Variants in ZDHHC24 observed in about 807,000 individuals in gnomAD.
ZDHHC24 encodes zDHHC palmitoyltransferase 24.
Under a neutral mutation model 23.2 loss-of-function variants are expected in ZDHHC24, and 17 were observed. The observed-to-expected ratio is 0.73, with a 90% CI of 0.50 to 1.10. The LOEUF (loss-of-function observed/expected upper bound fraction) is 1.10. Ranked by LOEUF, ZDHHC24 falls within the 50% of genes least tolerant of loss-of-function variation. The probability of loss-of-function intolerance (pLI) is 0.00; values close to 1 mark genes in which losing one functional copy is unlikely to be tolerated. For missense variants in ZDHHC24, 366 were observed against 393.0 expected (o/e 0.93, Z 0.58); for synonymous variants, 186 against 194.5 (o/e 0.96, Z 0.36).
intron 4 of ZDHHC24, chr11:66,524,183 G>A (rs1856382355): frequency 2.5e-6 from 1 of 402,458 alleles, no homozygotes; most frequent in African/African-American, 2.1e-5. Context: ...AGGAGGTTGA[G>A]GTAGGAGAAT....
At chr11:66,529,201 G>A in intron 3 of ZDHHC24, 1 of 1,470,582 alleles carries the variant, frequency 6.8e-7, no homozygotes, top group East Asian at 2.5e-5. Context: ...TGGGGGCGGG[G>A]TGGGCCCTGG....
rs374822711 is a variant in ZDHHC24 at position 66,523,609 on chromosome 11, G to A, written c.*22-2143C>T. ...CCCCAGCAAGCAGCAGCCCCTCCAC[G>A]CCTATGTCCCTAGCCCCCACTTGGC... On this transcript the variant is annotated intron_variant, in intron 4 of 4. Coordinates refer to the ZDHHC24 transcript ENST00000526986. The A allele has an allele frequency of 1.7e-5, 27 of 1,613,516 alleles. No individual in the cohort carries two copies. The African/African-American group carries it at 1.7e-4, about 10-fold the overall frequency.
chr11:66,542,454 C>T (rs608504), intron 2 of ZDHHC24: 19,731 of 152,586 alleles, frequency 0.13, 2,395 homozygotes, highest in African/African-American at 0.32. Flanking sequence ...TACAGACGGG[C>T]GGTGAGGGCC....
intron 3 of ZDHHC24, chr11:66,527,019 G>A: frequency 6.5e-7 from 1 of 1,536,614 alleles, no homozygotes; most frequent in East Asian, 2.4e-5. Context: ...GTGGGTGACA[G>A]CAAGAGCCCT....
intron 4 of ZDHHC24, among the ~76,000 whole-genome samples, chr11:66,525,331 C>T (rs1856441870): frequency 6.6e-6 from 1 of 152,088 alleles, no homozygotes; most frequent in Admixed American, 6.6e-5. Context: ...TGCACTCCAG[C>T]CTGGGCCACA....
chr11:66,526,686 A>C lies in ZDHHC24; in HGVS notation c.*21+250T>G, dbSNP rs928545187. 2 of 1,614,082 alleles carry C rather than the reference A, an allele frequency of 1.2e-6. No individual in the cohort carries two copies. Among genetic ancestry groups the C allele is most frequent in the Non-Finnish European group, 1.7e-6 (2 of 1,180,024 alleles). On this transcript the variant is annotated intron_variant, in intron 4 of 4. Transcript: ENST00000526986. ...TCATCAAGATCCTGAAGCGTACAGC[A>C]GTGTTTGTAGAGGGAGGAAGTGAGG...
At position 66,539,361 on chromosome 11, in the gene ZDHHC24, C is replaced by G; in HGVS notation, c.*168G>C. 1 of 1,346,500 alleles carries G rather than the reference C, an allele frequency of 7.4e-7. No individual in the cohort carries two copies. The highest frequency in any genetic ancestry group is 2.0e-5 in the South Asian group (1 of 49,380). 83.4% of individuals were successfully genotyped at this position (1,346,500 alleles called of 1,614,324 possible). A position where few individuals can be genotyped will look rare whatever the true frequency, so the allele number is the denominator to read the frequency against. On this transcript the variant is annotated 3_prime_UTR_variant, in exon 3 of 3. Transcript: ENST00000310442. ...CTGCACTCCTCTGCCTAAGTCACGG[C>G]CCAAGCCCTGGACACGTAGGAGTGT...
intron 4 of ZDHHC24, chr11:66,524,006 ACAGTGGCT>A: frequency 7.2e-7 from 1 of 1,386,080 alleles, no homozygotes; most frequent in Non-Finnish European, 1.0e-6. Context: ...GAGGCCAGGC[ACAGTGGCT>A]CATGCCTGTA....
chr11:66,523,085 C>G, intron 4 of ZDHHC24: 1 of 462,658 alleles, frequency 2.2e-6, no homozygotes, highest in South Asian at 1.6e-5. Context: ...AGCTCTTCAT[C>G]CTTTTCTCAT....
At chr11:66,524,279 T>TA (rs542214160) in intron 4 of ZDHHC24, 32,751 of 279,772 alleles carry the variant, frequency 0.12, 923 homozygotes, top group Non-Finnish European at 0.15. Context: ...GACTCCATCT[T>TA]AAAAAAAAAA....
At chr11:66,544,014 A>G in intron 1 of ZDHHC24, 33 bp from the exon 2 acceptor site, 1 of 1,606,206 alleles carries the variant, frequency 6.2e-7, no homozygotes, top group Non-Finnish European at 8.5e-7. Flanking sequence ...CAGTTCCCCC[A>G]GCAGCTCAGA....
At chr11:66,531,390 G>A (rs1455695154), downstream of ZDHHC24, among the ~76,000 whole-genome samples, 1 of 152,184 alleles carries the variant, frequency 6.6e-6, no homozygotes, top group Admixed American at 6.5e-5. Context: ...CCCAAGTTGG[G>A]AGGACCAGAA....
At chr11:66,531,973 A>G, downstream of ZDHHC24, 23 of 1,603,660 alleles carry the variant, frequency 1.4e-5, no homozygotes, top group Non-Finnish European at 1.8e-5. Flanking sequence ...CGAGAAGGCC[A>G]AAGTGCACCC....
chr11:66,529,784 C>T lies in ZDHHC24; in HGVS notation c.560-296G>A, dbSNP rs764657239. 8.1e-6 allele frequency: 13 copies of T among 1,607,936 alleles called. No individual in the cohort carries two copies. In the African/African-American group the frequency reaches 1.6e-4, roughly 20 times the overall value. On this transcript the variant is annotated intron_variant, in intron 2 of 4. Coordinates refer to the ZDHHC24 transcript ENST00000526986. ...GCTGCCTCCTCCCTGCCACCCCCCACCTCCACCGTCAGCCTCTGGGACCCT... is the reference window on the plus strand; with the variant it reads ...GCTGCCTCCTCCCTGCCACCCCCCATCTCCACCGTCAGCCTCTGGGACCCT...
At chr11:66,542,254 C>T (rs1025949970) in intron 2 of ZDHHC24, among the ~76,000 whole-genome samples, 2 of 152,112 alleles carry the variant, frequency 1.3e-5, no homozygotes, top group African/African-American at 4.8e-5. Flanking sequence ...AGGTCAGCAG[C>T]CATGAACATG....
chr11:66,521,116 A>T, exon 5 of ZDHHC24: 1 of 701,098 alleles, frequency 1.4e-6, no homozygotes, highest in Non-Finnish European at 2.6e-6. Flanking sequence ...ATGTTGCCCC[A>T]AGTTTCCCTC....
At chr11:66,525,298 G>A (rs1229737784) in intron 4 of ZDHHC24, among the ~76,000 whole-genome samples, 3 of 152,054 alleles carry the variant, frequency 2.0e-5, no homozygotes, top group Non-Finnish European at 4.4e-5. Flanking sequence ...GGCAAAGGTT[G>A]CAGTGAACTG....
chr11:66,529,645 C>A lies in ZDHHC24; in HGVS notation c.560-157G>T, dbSNP rs145942922. On this transcript the variant is annotated intron_variant, in intron 2 of 4. Transcript: ENST00000526986. ...AAGAGGCAGGGCGAGGCCACGGCGT[C>A]GAGTTTTGCCAGAAGGCTGGGCTCT... 3.8e-3 allele frequency among the ~76,000 whole-genome samples: 583 copies of A among 151,908 alleles called. 4 individuals are homozygous for A. Among genetic ancestry groups the A allele is most frequent in the African/African-American group, 0.013 (555 of 41,408 alleles).
At chr11:66,534,093 C>G (rs915972500), downstream of ZDHHC24, among the ~76,000 whole-genome samples, 4 of 143,558 alleles carry the variant, frequency 2.8e-5, no homozygotes, top group Admixed American at 1.4e-4. Context: ...CGCTTGAACC[C>G]GGGAGGCGGA....
Sources: allele counts gnomAD v4.1 joint callset (sites outside exome capture counted in the v4.1 genomes callset), GRCh38; gene constraint gnomAD v4.1.1; transcripts MANE v1.5; gene names NCBI Gene and HGNC (gene_info 2026-07-23, HGNC 2026-07-21).